SMARCD3: variants seen among roughly 807,000 people sequenced by gnomAD.
SMARCD3 encodes the protein SWI/SNF related BAF chromatin remodeling complex subunit D3.
Under a neutral mutation model 58.0 loss-of-function variants are expected in SMARCD3, and 14 were observed. The observed-to-expected ratio is 0.24, with a 90% CI of 0.16 to 0.38. SMARCD3 has a LOEUF of 0.38. Among genes scored for constraint, SMARCD3 ranks in the 10% least tolerant of loss-of-function variants. The pLI is 1.00. For synonymous variants in SMARCD3, 253 were observed against 253.8 expected, an observed-to-expected ratio of 1.00 and a Z score of 0.03; for missense variants, 408 against 636.9, an observed-to-expected ratio of 0.64 and a Z score of 3.87.
intron 2 of SMARCD3, among the ~76,000 whole-genome samples, chr7:151,266,568 T>G (rs1376528454): frequency 6.6e-6 from 1 of 152,136 alleles, no homozygotes. Flanking sequence ...AAGACAAGGC[T>G]CTCTCTCTCC....
At position 151,245,634 on chromosome 7, in the gene SMARCD3, T is replaced by G; in HGVS notation, c.116A>C (p.Gln39Pro). 2.6e-6 allele frequency: 3 copies of G among 1,156,968 alleles called. No homozygotes were observed. Among genetic ancestry groups the G allele is most frequent in the Non-Finnish European group, 3.2e-6 (3 of 925,570 alleles). 71.7% of individuals were successfully genotyped at this position (1,156,968 alleles called of 1,614,324 possible). ...GCCCGGGGGGCCCATGGGCGCCCCC[T>G]GGTGGGGCATCCGGGCTCCAGACGG... Reference protein sequence around the residue: ...GMPSGARMPHQGAPMGPPGSP... With the variant: ...GMPSGARMPHPGAPMGPPGSP... The change falls in exon 2 of 13, where the codon CAG becomes CCG. Residue 39 changes from glutamine (Q) to proline (P), a missense_variant. By Grantham distance (76) the Gln-to-Pro change is moderately conservative (BLOSUM62 -1). Around this residue, in one of 4 missense-constraint regions of SMARCD3, gnomAD observed 84 missense variants for 81.2 expected, o/e 1.03. Coordinates refer to ENST00000262188, the MANE Select transcript of SMARCD3 (RefSeq NM_001003801.2). The surrounding 1 kb of genome is among the most constrained non-coding windows in gnomAD (Gnocchi z 6.2).
In SMARCD3 at chr7:151,242,834, G is replaced by A; in HGVS notation, c.343C>T (p.Leu115=). The A allele has an allele frequency of 6.2e-7, 1 of 1,614,122 alleles. No homozygotes were observed. Among genetic ancestry groups the A allele is most frequent in the East Asian group, 2.2e-5 (1 of 44,872 alleles). ...DKILPQRIRE[L]VPESQAYMDL... is the part of the protein sequence containing the mutation. ...ATGTAAGCCTGGGACTCGGGGACCA[G>A]CTCCCGAATCTGGAGAAGGAGGAGC... Residue 115 remains leucine (L), a synonymous_variant, in exon 4 of 13, where the codon CTG becomes TTG. Coordinates refer to ENST00000262188, the MANE Select transcript of SMARCD3 (RefSeq NM_001003801.2). The surrounding 1 kb of genome is among the most constrained non-coding windows in gnomAD (Gnocchi z 4.7).
Position 151,239,734 on chromosome 7 carries a change from T to C in SMARCD3, c.1186A>G (p.Ile396Val). The C allele has an allele frequency of 5.0e-6, 8 of 1,613,880 alleles. No individual in the cohort carries two copies. The highest frequency in any genetic ancestry group is 6.8e-6 in the Non-Finnish European group (8 of 1,179,960). Residue 396 changes from isoleucine to valine, a missense_variant, in exon 11 of 13, where the codon ATT becomes GTT. Physicochemically the swap from Ile to Val is conservative, Grantham distance 29. Around this residue, in one of 4 missense-constraint regions of SMARCD3, gnomAD observed 115 missense variants for 257.2 expected, o/e 0.45. Transcript: ENST00000262188. This position sits in a 1 kb window ranked among gnomAD's most constrained non-coding sequence, Gnocchi z 7.0. Reference sequence around the variant, plus strand: ...ATCTTGAGCTGGTTTATGGACTCAATCGTCTCATGGATCTGCAGGTAGAAA... The same window carrying C: ...ATCTTGAGCTGGTTTATGGACTCAACCGTCTCATGGATCTGCAGGTAGAAA... Reference protein sequence around the residue: ...SALDSKIHETIESINQLKIQR... With the variant: ...SALDSKIHETVESINQLKIQR...
rs1046082926 is a variant in SMARCD3, at chr7:151,248,082, T to G, written c.78+403A>C. ...CAAGCAGTGACACTGTCCCAACGGATGAACAGACAGCCCAGCCCAGCCTCT... is the reference window on the plus strand; with the variant it reads ...CAAGCAGTGACACTGTCCCAACGGAGGAACAGACAGCCCAGCCCAGCCTCT... On this transcript the variant is annotated intron_variant, in intron 1 of 12. Transcript: ENST00000262188. This position sits in a 1 kb window ranked among gnomAD's most constrained non-coding sequence, Gnocchi z 6.1. Among the ~76,000 whole-genome samples the G allele has an allele frequency of 5.3e-5, 8 of 152,072 alleles. No homozygotes were observed. The highest frequency in any genetic ancestry group is 1.9e-4 in the African/African-American group (8 of 41,410).
chr7:151,241,428 G>C lies in SMARCD3; in HGVS notation c.939+64C>G. 1 of 1,406,036 alleles carries C rather than the reference G, an allele frequency of 7.1e-7. No homozygotes were observed. The highest frequency in any genetic ancestry group is 9.9e-7 in the Non-Finnish European group (1 of 1,005,610). The allele number at this position is 1,406,036 out of a possible 1,614,324, so 87.1% of individuals were successfully genotyped here. A position where few individuals can be genotyped will look rare whatever the true frequency, so the allele number is the denominator to read the frequency against. On this transcript the variant is annotated intron_variant, in intron 8 of 12. Coordinates refer to ENST00000262188, the MANE Select transcript of SMARCD3 (RefSeq NM_001003801.2). This position sits in a 1 kb window ranked among gnomAD's most constrained non-coding sequence, Gnocchi z 5.3. The stretch of plus-strand genomic sequence containing the variant: ...GAGGGGTGGTAGTTACCTTGGTAGA[G>C]GTACTTCCCCTGCTGGAGAACTCCG...
At chr7:151,260,960 A>G (rs7800635) in intron 2 of SMARCD3, among the ~76,000 whole-genome samples, 11,264 of 152,246 alleles carry the variant, frequency 0.074, 1,410 homozygotes, top group African/African-American at 0.26. Flanking sequence ...CCCACACAGC[A>G]CACTAGTAAC....
intron 2 of SMARCD3, chr7:151,274,977 T>C (rs1795296786): frequency 1.5e-6 from 1 of 673,262 alleles, no homozygotes; most frequent in Non-Finnish European, 2.7e-6. Flanking sequence ...GGCCCTGCCA[T>C]GGGCACTAAG....
intron 10 of SMARCD3, 107 bp downstream of exon 10, chr7:151,240,005 T>A (rs1802882622): frequency 3.4e-6 from 4 of 1,193,092 alleles, no homozygotes; most frequent in Non-Finnish European, 4.7e-6. Flanking sequence ...TTTTTTTTTT[T>A]TAATTTAACC....
chr7:151,248,562 TC>T lies in SMARCD3; in HGVS notation c.-1del, dbSNP rs772353837. Reference sequence around the variant, plus strand: ...CCTCCGGCAACTTCGTCCGCGGCCATCGGGGTGGGCTCAGCGGCTCCTCTCA... The same window carrying T: ...CCTCCGGCAACTTCGTCCGCGGCCATGGGGTGGGCTCAGCGGCTCCTCTCA... On this transcript the variant is annotated 5_prime_UTR_variant, in exon 1 of 13. Coordinates refer to ENST00000262188, the MANE Select transcript of SMARCD3 (RefSeq NM_001003801.2). The surrounding 1 kb of genome is among the most constrained non-coding windows in gnomAD (Gnocchi z 6.1). 9.1e-5 allele frequency: 147 copies of T among 1,613,600 alleles called. No individual in the cohort carries two copies. Among genetic ancestry groups the T allele is most frequent in the Non-Finnish European group, 1.2e-4 (142 of 1,179,776 alleles).
rs1231758802 is a variant in SMARCD3, at chr7:151,242,396, G to A, written c.579+85C>T. 1 of 1,563,940 alleles carries A rather than the reference G, an allele frequency of 6.4e-7. No individual in the cohort carries two copies. Among genetic ancestry groups the A allele is most frequent in the Non-Finnish European group, 8.8e-7 (1 of 1,142,758 alleles). ...CCACCCAGCCTGGGCTGACTCCCTA[G>A]CCCTTAGTGCAGACACCTTGTTCTG... On this transcript the variant is annotated intron_variant, in intron 5 of 12. Coordinates refer to ENST00000262188, the MANE Select transcript of SMARCD3 (RefSeq NM_001003801.2). The surrounding 1 kb of genome is among the most constrained non-coding windows in gnomAD (Gnocchi z 4.7).
At chr7:151,249,867 T>G (rs1803455289), upstream of SMARCD3, among the ~76,000 whole-genome samples, 1 of 151,748 alleles carries the variant, frequency 6.6e-6, no homozygotes, top group Non-Finnish European at 1.5e-5. This position sits in a 1 kb window ranked among gnomAD's most constrained non-coding sequence, Gnocchi z 4.8. Flanking sequence ...AATCCTGACA[T>G]ACCCAGGCAG....
chr7:151,275,999 G>T (rs1795328005), intron 1 of SMARCD3, among the ~76,000 whole-genome samples: 1 of 152,072 alleles, frequency 6.6e-6, no homozygotes, highest in Admixed American at 6.6e-5. Flanking sequence ...TCCTGAGCAG[G>T]GTTGGGAGGA....
At chr7:151,257,733 G>T (rs1457860806) in intron 2 of SMARCD3, among the ~76,000 whole-genome samples, 1 of 152,090 alleles carries the variant, frequency 6.6e-6, no homozygotes, top group Non-Finnish European at 1.5e-5. Flanking sequence ...GAGTCCCCGG[G>T]GACCATCCAG....
In SMARCD3 at chr7:151,241,135, A is replaced by G; in HGVS notation, c.939+357T>C. The G allele has an allele frequency of 2.9e-6, 1 of 349,016 alleles. No individual in the cohort carries two copies. The highest frequency in any genetic ancestry group is 6.8e-5 in the East Asian group (1 of 14,694). The allele number at this position is 349,016 out of a possible 1,614,324, so 21.6% of individuals were successfully genotyped here. On this transcript the variant is annotated intron_variant, in intron 8 of 12. Transcript: ENST00000262188. The surrounding 1 kb of genome is among the most constrained non-coding windows in gnomAD (Gnocchi z 5.3). Reference sequence around the variant, plus strand: ...GTCACTCCACTTCAAAGATAAGGAAACAAGGTTCAGAATCGCTGAGTCACT... The same window carrying G: ...GTCACTCCACTTCAAAGATAAGGAAGCAAGGTTCAGAATCGCTGAGTCACT...
chr7:151,264,209 C>A (rs995017059), intron 2 of SMARCD3, among the ~76,000 whole-genome samples: 1 of 152,074 alleles, frequency 6.6e-6, no homozygotes, highest in African/African-American at 2.4e-5. Flanking sequence ...CAGGTGCCTG[C>A]CACCACACCT....
At chr7:151,277,142 C>T (rs930613868), upstream of SMARCD3, 1 of 151,136 alleles carries the variant, frequency 6.6e-6, no homozygotes, top group South Asian at 2.1e-4. Flanking sequence ...CGGCTCGGCC[C>T]GGCGCCTGCG....
chr7:151,259,368 A>G (rs1230657811), intron 2 of SMARCD3, among the ~76,000 whole-genome samples: 1 of 142,982 alleles, frequency 7.0e-6, no homozygotes, highest in Non-Finnish European at 1.5e-5. Flanking sequence ...AAAAAAAAAG[A>G]ATGTAAGCTC....
chr7:151,247,104 C>T (rs1276609283), intron 1 of SMARCD3, among the ~76,000 whole-genome samples: 1 of 152,194 alleles, frequency 6.6e-6, no homozygotes, highest in African/African-American at 2.4e-5. Flanking sequence ...CTGCTTCCCT[C>T]ACCCCACCTG....
chr7:151,242,394 T>C lies in SMARCD3; in HGVS notation c.579+87A>G. The stretch of plus-strand genomic sequence containing the variant: ...CTCCACCCAGCCTGGGCTGACTCCC[T>C]AGCCCTTAGTGCAGACACCTTGTTC... On this transcript the variant is annotated intron_variant, in intron 5 of 12. Coordinates refer to ENST00000262188, the MANE Select transcript of SMARCD3 (RefSeq NM_001003801.2). This position sits in a 1 kb window ranked among gnomAD's most constrained non-coding sequence, Gnocchi z 4.7. 6.4e-7 allele frequency: 1 copy of C among 1,552,764 alleles called. No individual in the cohort carries two copies.
Sources: allele counts gnomAD v4.1 joint callset (sites outside exome capture counted in the v4.1 genomes callset), GRCh38; gene constraint gnomAD v4.1.1; regional missense constraint gnomAD v4.1.1; non-coding constraint Gnocchi (gnomAD v3.1); transcripts MANE v1.5; gene names NCBI Gene and HGNC (gene_info 2026-07-23, HGNC 2026-07-21).